Variants in RMC1 observed in about 807,000 individuals in gnomAD.
RMC1 encodes regulator of MON1-CCZ1.
A neutral mutation model predicts 95.5 loss-of-function variants in RMC1; 44 were observed. That is an observed-to-expected ratio of 0.46 (90% CI 0.36 to 0.59). The LOEUF is 0.59. Among genes scored for constraint, RMC1 ranks in the 20% least tolerant of loss-of-function variants. RMC1 has a pLI of 0.00. For missense variants in RMC1, 705 were observed against 819.6 expected (o/e 0.86, Z 1.71); for synonymous variants, 320 against 303.6 (o/e 1.05, Z -0.56).
chr18:23,518,818 C>T (rs1030175254), intron 7 of RMC1, 72 bp from the exon 8 acceptor site: 25 of 1,359,116 alleles, frequency 1.8e-5, no homozygotes, highest in Non-Finnish European at 2.5e-5. Flanking sequence ...ATTTACTTAA[C>T]CGTGATGCCA....
chr18:23,503,590 GGGCCCCCGCCGCGGGCGC>G lies in RMC1; in HGVS notation c.-25_-8del, dbSNP rs775533489. The G allele has an allele frequency of 3.8e-5, 58 of 1,529,356 alleles. No homozygotes were observed. Among genetic ancestry groups the G allele is most frequent in the Non-Finnish European group, 4.8e-5 (54 of 1,135,488 alleles). The allele number at this position is 1,529,356 out of a possible 1,614,324, so 94.7% of individuals were successfully genotyped here. The stretch of plus-strand genomic sequence containing the variant: ...TGCTCCACTCTGGCGACCGCCCCCG[GGGCCCCCGCCGCGGGCGC>G]GGCGCCCGCCATGGGCGAGGAGGAC... On this transcript the variant is annotated 5_prime_UTR_variant, in exon 1 of 20. Coordinates refer to ENST00000269221, the MANE Select transcript of RMC1 (RefSeq NM_013326.5).
At chr18:23,503,877 G>T (rs139017819) in intron 1 of RMC1, among the ~76,000 whole-genome samples, 157 bp downstream of exon 1, 2,117 of 152,170 alleles carry the variant, frequency 0.014, 27 homozygotes, top group Non-Finnish European at 0.024. Context: ...TGTTGGGTGG[G>T]CTCAGCCGCG....
chr18:23,524,007 T>G (rs891386), intron 10 of RMC1, 123 bp from the exon 11 acceptor site: 464,737 of 1,090,348 alleles, frequency 0.43, 103,464 homozygotes, highest in Admixed American at 0.51. Flanking sequence ...CATTTCTTCC[T>G]TGACTACAAT....
rs200566715 is a variant in RMC1, at chr18:23,524,453, A to T, written c.1031A>T (p.Gln344Leu). The T allele has an allele frequency of 4.7e-5, 76 of 1,614,090 alleles. No individual in the cohort carries two copies. The highest frequency in any genetic ancestry group is 6.3e-5 in the Non-Finnish European group (74 of 1,179,968). The change falls in exon 12 of 20, where the codon CAA becomes CTA. Residue 344 changes from glutamine (Q) to leucine (L), a missense_variant. Transcript: ENST00000269221. ...GATTCTTCATCTTGGATTGTCTTTCAACCTGACATCATTATCAGCGCAAGC... is the reference window on the plus strand; with the variant it reads ...GATTCTTCATCTTGGATTGTCTTTCTACCTGACATCATTATCAGCGCAAGC... ...KLYSSSWIVFQPDIIISASQG... is the reference protein window; with the variant it reads ...KLYSSSWIVFLPDIIISASQG...
In RMC1 at chr18:23,531,808, A is replaced by T; in HGVS notation, c.*104A>T. On this transcript the variant is annotated 3_prime_UTR_variant, in exon 20 of 20. Transcript: ENST00000269221. ...TGTTATAAAGTGTATCTACAACCTC[A>T]ACTGTCACTAAAAATATGGTATAGA... 6.6e-7 allele frequency: 1 copy of T among 1,512,022 alleles called. No homozygotes were observed. Among genetic ancestry groups the T allele is most frequent in the Non-Finnish European group, 8.8e-7 (1 of 1,139,882 alleles). The allele number at this position is 1,512,022 out of a possible 1,614,324, so 93.7% of individuals were successfully genotyped here.
At chr18:23,507,350 C>T (rs1403376995) in intron 3 of RMC1, among the ~76,000 whole-genome samples, 1 of 152,162 alleles carries the variant, frequency 6.6e-6, no homozygotes, top group Non-Finnish European at 1.5e-5. Context: ...GCCTCGATCT[C>T]TCAGGCTCAA....
chr18:23,526,716 C>A lies in RMC1; in HGVS notation c.1140C>A (p.Leu380=), dbSNP rs1286022751. The A allele has an allele frequency of 6.2e-7, 1 of 1,614,144 alleles. No individual in the cohort carries two copies. The highest frequency in any genetic ancestry group is 8.5e-7 in the Non-Finnish European group (1 of 1,180,020). The stretch of plus-strand genomic sequence containing the variant: ...ACAAAGGAAGACTCATGGACTTTCT[C>A]CTCCAGAGAAAGGAATGCAAGATGG... ...LPDKGRLMDF[L]LQRKECKMVI... The change falls in exon 13 of 20, where the codon CTC becomes CTA. Residue 380 remains leucine (L), a synonymous_variant. Coordinates refer to ENST00000269221, the MANE Select transcript of RMC1 (RefSeq NM_013326.5).
In RMC1 at chr18:23,529,175, T is replaced by C. The variant is rs759107563; in HGVS notation, c.1297-4T>C. 2.5e-6 allele frequency: 4 copies of C among 1,609,160 alleles called. No individual in the cohort carries two copies. In the East Asian group the frequency reaches 8.9e-5, roughly 36 times the overall value. On this transcript the variant is annotated splice_polypyrimidine_tract_variant and splice_region_variant and intron_variant, in intron 14 of 19. Transcript: ENST00000269221. Reference sequence around the variant, plus strand: ...GATCATAGTTTGTGGTTTTTTTCTTTCAGGCGGTGGAAGCAGGGCAGAGCC... The same window carrying C: ...GATCATAGTTTGTGGTTTTTTTCTTCCAGGCGGTGGAAGCAGGGCAGAGCC...
intron 12 of RMC1, among the ~76,000 whole-genome samples, chr18:23,526,293 TA>T (rs1441479262): frequency 6.6e-6 from 1 of 152,234 alleles, no homozygotes. Flanking sequence ...CATCTTTTTC[TA>T]TTTTAAACGT....
intron 1 of RMC1, 69 bp from the exon 2 acceptor site, chr18:23,504,302 G>C: frequency 7.6e-7 from 1 of 1,324,126 alleles, no homozygotes; most frequent in Non-Finnish European, 1.1e-6. Flanking sequence ...ATAATCGCTT[G>C]CGGGTTGGCT....
At chr18:23,525,578 C>T (rs971942860) in intron 12 of RMC1, among the ~76,000 whole-genome samples, 15 of 152,156 alleles carry the variant, frequency 9.9e-5, no homozygotes, top group African/African-American at 3.6e-4. Flanking sequence ...GCATGCGCCA[C>T]CACACCCAGC....
chr18:23,513,014 C>T (rs1355932283), intron 5 of RMC1, among the ~76,000 whole-genome samples: 3 of 152,044 alleles, frequency 2.0e-5, no homozygotes, highest in Admixed American at 6.6e-5. Flanking sequence ...AGTGCAGTGG[C>T]GTGATCTCAG....
intron 3 of RMC1, 65 bp downstream of exon 3, chr18:23,507,119 C>G: frequency 2.6e-6 from 3 of 1,161,112 alleles, no homozygotes; most frequent in South Asian, 1.4e-5. Context: ...GAGAAGGAAT[C>G]GCAAATTTTC....
chr18:23,521,694 TC>T (rs75991556), intron 10 of RMC1, among the ~76,000 whole-genome samples: 72,139 of 137,620 alleles, frequency 0.52, 17,420 homozygotes, highest in East Asian at 0.67. Context: ...ACACTCTCTC[TC>T]TTTTTTTTTT....
chr18:23,526,890 G>A (rs2058313355), intron 13 of RMC1, 125 bp downstream of exon 13: 5 of 1,321,400 alleles, frequency 3.8e-6, no homozygotes, highest in African/African-American at 1.5e-5. Context: ...TTCTTTATGT[G>A]AGGGGTGGCT....
In RMC1 at chr18:23,530,441, G is replaced by GTGTT; in HGVS notation, c.1724_1727dup (p.Leu576PhefsTer15). The GTGTT allele has an allele frequency of 6.2e-7, 1 of 1,614,262 alleles. No homozygotes were observed. The highest frequency in any genetic ancestry group is 8.5e-7 in the Non-Finnish European group (1 of 1,180,052). ...AGAAGTTCTCCTTTCCAAACACCAAGTGTTAGCTGCCTTAAGGTTTATCCG... is the reference window on the plus strand; with the variant it reads ...AGAAGTTCTCCTTTCCAAACACCAAGTGTTTGTTAGCTGCCTTAAGGTTTATCCG... On this transcript the variant is annotated frameshift_variant, in exon 19 of 20. Coordinates refer to ENST00000269221, the MANE Select transcript of RMC1 (RefSeq NM_013326.5). LOFTEE classifies it high-confidence loss of function.
intron 19 of RMC1, among the ~76,000 whole-genome samples, chr18:23,531,071 T>C (rs1296142623): frequency 1.3e-5 from 2 of 151,726 alleles, no homozygotes; most frequent in Admixed American, 1.3e-4. Context: ...CTCGGTTCAC[T>C]GCAACCTCCG....
At chr18:23,511,675 T>C (rs1417223817) in intron 5 of RMC1, among the ~76,000 whole-genome samples, 3 of 151,374 alleles carry the variant, frequency 2.0e-5, no homozygotes, top group East Asian at 3.9e-4. Flanking sequence ...TTGTCCAAAG[T>C]GTATCTTGGA....
intron 5 of RMC1, among the ~76,000 whole-genome samples, chr18:23,514,429 C>T (rs943788117): frequency 3.9e-5 from 6 of 152,064 alleles, no homozygotes; most frequent in Admixed American, 6.6e-5. Flanking sequence ...TGGTGGTGGG[C>T]GCCTATAATC....
Sources: gnomAD v4.1 joint callset for allele counts (sites outside exome capture counted in the v4.1 genomes callset) on GRCh38, gnomAD v4.1.1 for gene constraint, MANE v1.5 for transcripts, NCBI Gene and HGNC (gene_info 2026-07-23, HGNC 2026-07-21) for gene names.